The following FHIT variants were observed in gnomAD, a reference collection of about 807,000 sequenced individuals.
FHIT encodes fragile histidine triad diadenosine triphosphatase.
FHIT carries 19 observed loss-of-function variants against 17.9 expected under a neutral mutation model. The observed-to-expected ratio is 1.06, with a 90% CI of 0.74 to 1.56. The LOEUF is 1.56. Ranked by LOEUF, FHIT falls within the 40% of genes most tolerant of loss-of-function variation. FHIT has a pLI of 0.00. For synonymous variants in FHIT, 81 were observed against 69.7 expected, an observed-to-expected ratio of 1.16 and a Z score of -0.81; for missense variants, 248 against 189.2, an observed-to-expected ratio of 1.31 and a Z score of -1.82.
chr3:60,864,693 A>G (rs1305245100), intron 3 of FHIT, among the ~76,000 whole-genome samples: 9 of 152,148 alleles, frequency 5.9e-5, no homozygotes, highest in African/African-American at 1.9e-4. Context: ...AAAGCTATCA[A>G]AAGAACCTAT....
chr3:60,069,736 T>A (rs1345774944), intron 5 of FHIT, among the ~76,000 whole-genome samples: 1 of 152,166 alleles, frequency 6.6e-6, no homozygotes, highest in Non-Finnish European at 1.5e-5. Flanking sequence ...CAAATATTCA[T>A]CCTTCTCAGC....
rs1053070343 is a variant in FHIT, at chr3:61,069,916, T to C, written c.-163-27817A>G. Among the ~76,000 whole-genome samples, 12 of 152,266 alleles carry C rather than the reference T, an allele frequency of 7.9e-5. 1 individual carries two copies. The South Asian group carries it at 1.5e-3, about 18-fold the overall frequency. ...TGGGGAACCACCATTTTGGTTTTGT[T>C]GTTGTTGTCATTGTTGTTTTTGAGA... On this transcript the variant is annotated intron_variant, in intron 2 of 9. Transcript: ENST00000492590.
chr3:60,183,076 C>A (rs1304639281), intron 5 of FHIT, among the ~76,000 whole-genome samples: 3 of 152,192 alleles, frequency 2.0e-5, no homozygotes, highest in Admixed American at 6.5e-5. Context: ...ACCTTCAATT[C>A]AAACAGGTAA....
At chr3:60,276,514 A>G (rs79443860) in intron 5 of FHIT, among the ~76,000 whole-genome samples, 13,766 of 152,270 alleles carry the variant, frequency 0.09, 777 homozygotes, top group Non-Finnish European at 0.13. Flanking sequence ...GCCTCAGCCA[A>G]TGGAGATGCC....
At chr3:60,933,497 C>T (rs1708058216) in intron 3 of FHIT, among the ~76,000 whole-genome samples, 1 of 152,194 alleles carries the variant, frequency 6.6e-6, no homozygotes, top group Non-Finnish European at 1.5e-5. Flanking sequence ...AGTCTTGCTA[C>T]ATTTTAAAAG....
At chr3:60,842,236 T>C (rs982229826) in intron 3 of FHIT, among the ~76,000 whole-genome samples, 7 of 152,016 alleles carry the variant, frequency 4.6e-5, no homozygotes, top group Non-Finnish European at 1.0e-4. Context: ...TTCTCTGTAG[T>C]AATGAGCAAC....
chr3:60,671,160 T>C (rs2040494770), intron 4 of FHIT, among the ~76,000 whole-genome samples: 1 of 152,208 alleles, frequency 6.6e-6, no homozygotes, highest in South Asian at 2.1e-4. Context: ...CTTAACTAGA[T>C]TGGGAGAGTG....
intron 5 of FHIT, among the ~76,000 whole-genome samples, chr3:60,440,014 A>G (rs1227905304): frequency 6.6e-6 from 1 of 151,990 alleles, no homozygotes; most frequent in Non-Finnish European, 1.5e-5. Flanking sequence ...CGACAGCCCC[A>G]CAGCTGGTCA....
At chr3:60,491,302 T>G (rs1196562579) in intron 5 of FHIT, among the ~76,000 whole-genome samples, 1 of 152,072 alleles carries the variant, frequency 6.6e-6, no homozygotes, top group Non-Finnish European at 1.5e-5. Flanking sequence ...CCCACTCCCT[T>G]ACACACATAC....
intron 5 of FHIT, among the ~76,000 whole-genome samples, chr3:60,449,218 G>A (rs558881788): frequency 3.0e-4 from 46 of 152,248 alleles, no homozygotes; most frequent in Middle Eastern, 3.4e-3. Context: ...CAACTACTAA[G>A]TAAGCAGACA....
At chr3:59,887,533 C>T (rs541633541) in intron 8 of FHIT, among the ~76,000 whole-genome samples, 1 of 152,292 alleles carries the variant, frequency 6.6e-6, no homozygotes, top group African/African-American at 2.4e-5. Flanking sequence ...ATTAAAAGGG[C>T]ACAAACAGGG....
chr3:61,250,878 T>A (rs963552083), intron 1 of FHIT, among the ~76,000 whole-genome samples: 2 of 152,202 alleles, frequency 1.3e-5, no homozygotes, highest in African/African-American at 4.8e-5. Flanking sequence ...GGGCACGTGT[T>A]CAGCAACCCC....
chr3:60,916,717 G>T (rs1707023946), intron 3 of FHIT, among the ~76,000 whole-genome samples: 1 of 152,158 alleles, frequency 6.6e-6, no homozygotes, highest in Non-Finnish European at 1.5e-5. Context: ...ACATCAGCTG[G>T]AACCCATCGT....
chr3:60,077,538 C>T (rs1317209200), intron 5 of FHIT: 1 of 146,786 alleles, frequency 6.8e-6, no homozygotes, highest in East Asian at 2.0e-4. Context: ...TAAAAAAAAA[C>T]AAAGAAAAAC....
chr3:59,972,850 T>C (rs1050362785), intron 7 of FHIT, among the ~76,000 whole-genome samples: 4 of 152,110 alleles, frequency 2.6e-5, no homozygotes, highest in African/African-American at 9.7e-5. Flanking sequence ...CAAACCAGTA[T>C]TTGCTGGCCC....
At chr3:59,959,505 G>A (rs536009232) in intron 7 of FHIT, among the ~76,000 whole-genome samples, 35 of 152,320 alleles carry the variant, frequency 2.3e-4, no homozygotes, top group Non-Finnish European at 3.5e-4. Flanking sequence ...CATGAAGCAT[G>A]TGGCAATACT....
intron 8 of FHIT, among the ~76,000 whole-genome samples, chr3:59,779,221 G>C (rs1164696239): frequency 6.6e-6 from 1 of 152,164 alleles, no homozygotes; most frequent in Non-Finnish European, 1.5e-5. Context: ...CCATCATTAG[G>C]TGCCACTCAG....
At chr3:59,773,899 A>G (rs1702184441) in intron 8 of FHIT, among the ~76,000 whole-genome samples, 1 of 152,222 alleles carries the variant, frequency 6.6e-6, no homozygotes, top group Admixed American at 6.5e-5. Flanking sequence ...AGTACATACC[A>G]GATTTAGGAG....
chr3:61,007,677 T>G (rs1038425882), intron 3 of FHIT, among the ~76,000 whole-genome samples: 5 of 152,074 alleles, frequency 3.3e-5, no homozygotes, highest in African/African-American at 1.2e-4. Context: ...AAATGCCCTA[T>G]GCGACTACAG....
Sources: allele counts gnomAD v4.1 joint callset (sites outside exome capture counted in the v4.1 genomes callset), GRCh38; gene constraint gnomAD v4.1.1; transcripts MANE v1.5; gene names NCBI Gene and HGNC (gene_info 2026-07-23, HGNC 2026-07-21).